The following NRCAM variants were observed in gnomAD, a reference collection of about 807,000 sequenced individuals.
NRCAM encodes NgCAM-related cell adhesion molecule.
Under a neutral mutation model 156.5 loss-of-function variants are expected in NRCAM, and 83 were observed. That is an observed-to-expected ratio of 0.53 (90% CI 0.44 to 0.64). NRCAM has a LOEUF of 0.64. NRCAM is among the 30% of genes least tolerant of loss of function. The probability of loss-of-function intolerance (pLI) is 0.00; values close to 1 mark genes in which losing one functional copy is unlikely to be tolerated. For synonymous variants in NRCAM, 538 were observed against 563.9 expected (o/e 0.95, Z 0.65); for missense variants, 1,417 against 1,597.3 (o/e 0.89, Z 1.92).
At chr7:108,349,666 GAAC>G (rs147671861) in intron 2 of NRCAM, among the ~76,000 whole-genome samples, 11,316 of 152,006 alleles carry the variant, frequency 0.074, 421 homozygotes, top group East Asian at 0.11. Flanking sequence ...TTATTAAAAA[GAAC>G]ATTATTAATG....
chr7:108,380,127 C>A (rs112448243), intron 2 of NRCAM, among the ~76,000 whole-genome samples: 1,634 of 152,116 alleles, frequency 0.011, 32 homozygotes, highest in African/African-American at 0.035. Context: ...AAATTCAAAA[C>A]AATCCAAAGG....
chr7:108,268,730 G>T (rs1228244751), intron 3 of NRCAM, among the ~76,000 whole-genome samples: 1 of 151,872 alleles, frequency 6.6e-6, no homozygotes, highest in African/African-American at 2.4e-5. Context: ...TTGTTCTACA[G>T]TGTTAGTGTA....
rs927184645 is a variant in NRCAM, at chr7:108,149,817, T to C, written c.*93A>G. On this transcript the variant is annotated 3_prime_UTR_variant, in exon 33 of 33. Coordinates refer to ENST00000379028, the MANE Select transcript of NRCAM (RefSeq NM_001037132.4). Reference sequence around the variant, plus strand: ...CTAACATACAGCAGAAAATATACTCTCTACCCATATGTTCATAGTATGAGA... The same window carrying C: ...CTAACATACAGCAGAAAATATACTCCCTACCCATATGTTCATAGTATGAGA... 4 of 967,130 alleles carry C rather than the reference T, an allele frequency of 4.1e-6. No individual in the cohort carries two copies. In the African/African-American group the frequency reaches 4.9e-5, roughly 12 times the overall value. 59.9% of individuals were successfully genotyped at this position (967,130 alleles called of 1,614,324 possible). A position where few individuals can be genotyped will look rare whatever the true frequency, so the allele number is the denominator to read the frequency against.
intron 25 of NRCAM, 54 bp from the exon 26 acceptor site, chr7:108,178,166 A>G (rs572383293): frequency 1.3e-6 from 2 of 1,578,098 alleles, no homozygotes; most frequent in African/African-American, 2.7e-5. Context: ...TTCAACATGT[A>G]TTAAATTGAC....
intron 1 of NRCAM, among the ~76,000 whole-genome samples, chr7:108,443,927 CATAG>C (rs938260288): frequency 5.3e-5 from 8 of 149,756 alleles, no homozygotes; most frequent in African/African-American, 2.0e-4. Context: ...TACATACATA[CATAG>C]ATACAGGTGT....
At chr7:108,452,748 T>G (rs1475866956) in intron 1 of NRCAM, among the ~76,000 whole-genome samples, 1 of 152,234 alleles carries the variant, frequency 6.6e-6, no homozygotes, top group Non-Finnish European at 1.5e-5. Context: ...TGTTAGAAGC[T>G]CTACATTCCA....
intron 3 of NRCAM, among the ~76,000 whole-genome samples, chr7:108,296,888 A>G (rs1036801960): frequency 2.0e-5 from 3 of 152,196 alleles, no homozygotes; most frequent in African/African-American, 7.2e-5. Context: ...CATTACAGAA[A>G]ATGATGTCAC....
At chr7:108,396,644 C>G (rs1563618373) in intron 2 of NRCAM, among the ~76,000 whole-genome samples, 1 of 152,182 alleles carries the variant, frequency 6.6e-6, no homozygotes, top group Non-Finnish European at 1.5e-5. Context: ...CCCAATTAAT[C>G]TGGTTTAATC....
chr7:108,429,874 T>G (rs1487321816), intron 1 of NRCAM, among the ~76,000 whole-genome samples: 1 of 151,832 alleles, frequency 6.6e-6, no homozygotes, highest in Non-Finnish European at 1.5e-5. Context: ...CAGGAGTAAG[T>G]GGTGAGGAGG....
At chr7:108,272,030 G>C (rs552007359) in intron 3 of NRCAM, among the ~76,000 whole-genome samples, 1 of 152,102 alleles carries the variant, frequency 6.6e-6, no homozygotes, top group Non-Finnish European at 1.5e-5. Flanking sequence ...AAAATGTCTT[G>C]GTACTAATTT....
At chr7:108,278,349 G>T (rs544489095) in intron 3 of NRCAM, among the ~76,000 whole-genome samples, 18 of 152,360 alleles carry the variant, frequency 1.2e-4, no homozygotes, top group African/African-American at 4.3e-4. Context: ...CCTAGAGGTG[G>T]TATCTAGAGA....
intron 3 of NRCAM, among the ~76,000 whole-genome samples, chr7:108,264,079 G>C (rs1405289660): frequency 6.6e-6 from 1 of 152,142 alleles, no homozygotes. Flanking sequence ...CCGAGTTCAA[G>C]CGATTCTCCT....
chr7:108,225,273 CA>C (rs1369250333), intron 10 of NRCAM, among the ~76,000 whole-genome samples: 1 of 152,124 alleles, frequency 6.6e-6, no homozygotes, highest in Non-Finnish European at 1.5e-5. Context: ...TTTGATGAGT[CA>C]GTATTCTAGC....
chr7:108,399,954 C>T (rs2099787289), intron 1 of NRCAM, among the ~76,000 whole-genome samples: 1 of 152,184 alleles, frequency 6.6e-6, no homozygotes, highest in Admixed American at 6.5e-5. Flanking sequence ...ATACACCGTG[C>T]TCTATAATCA....
chr7:108,405,021 CTA>C (rs1236910995), intron 1 of NRCAM, among the ~76,000 whole-genome samples: 1 of 152,212 alleles, frequency 6.6e-6, no homozygotes, highest in East Asian at 1.9e-4. Context: ...TCCGCTATGA[CTA>C]TGGATGTGTG....
At chr7:108,267,944 A>C (rs551789229) in intron 3 of NRCAM, among the ~76,000 whole-genome samples, 20 of 152,356 alleles carry the variant, frequency 1.3e-4, no homozygotes, top group Admixed American at 2.6e-4. Flanking sequence ...CTATACAGAT[A>C]ATTAAATTCC....
intron 2 of NRCAM, among the ~76,000 whole-genome samples, chr7:108,399,186 T>A (rs1285142416): frequency 6.6e-6 from 1 of 151,900 alleles, no homozygotes; most frequent in Admixed American, 6.6e-5. Flanking sequence ...TGTGTGTGTG[T>A]GTATGTTCAG....
intron 31 of NRCAM, among the ~76,000 whole-genome samples, chr7:108,160,144 G>A (rs2048018595): frequency 6.6e-6 from 1 of 152,082 alleles, no homozygotes; most frequent in South Asian, 2.1e-4. Flanking sequence ...TGTTTTCAGA[G>A]AACTGATTGA....
chr7:108,452,232 T>A (rs557530235), intron 1 of NRCAM, among the ~76,000 whole-genome samples: 1 of 152,154 alleles, frequency 6.6e-6, no homozygotes, highest in African/African-American at 2.4e-5. Context: ...GGTAGGGGAA[T>A]TGGGGAGATG....
Sources: allele counts gnomAD v4.1 joint callset (sites outside exome capture counted in the v4.1 genomes callset), GRCh38; gene constraint gnomAD v4.1.1; transcripts MANE v1.5; gene names NCBI Gene and HGNC (gene_info 2026-07-23, HGNC 2026-07-21).